PTRH1: variants seen among roughly 807,000 people sequenced by gnomAD.
PTRH1 encodes peptidyl-tRNA hydrolase 1 homolog.
Under a neutral mutation model 15.7 loss-of-function variants are expected in PTRH1, and 13 were observed. The ratio of observed to expected loss-of-function variants is 0.83; its 90% CI spans 0.54 to 1.31. PTRH1 has a LOEUF of 1.31. Among genes scored for constraint, PTRH1 ranks in the 40% most tolerant of loss-of-function variants. The probability of loss-of-function intolerance (pLI) is 0.00; values close to 1 mark genes in which losing one functional copy is unlikely to be tolerated. For synonymous variants in PTRH1, 139 were observed against 136.7 expected, an observed-to-expected ratio of 1.02 and a Z score of -0.12; for missense variants, 319 against 296.2, an observed-to-expected ratio of 1.08 and a Z score of -0.56.
intron 1 of PTRH1, among the ~76,000 whole-genome samples, chr9:127,704,834 G>A (rs1028928501): frequency 2.6e-5 from 4 of 152,022 alleles, no homozygotes; most frequent in African/African-American, 7.2e-5. Context: ...CTGCAGCCTC[G>A]AATTCCTGGG....
At chr9:127,711,117 A>C, downstream of PTRH1, 10 of 1,298,062 alleles carry the variant, frequency 7.7e-6, no homozygotes, top group Non-Finnish European at 1.1e-5. Context: ...TCCCAGGGAG[A>C]GAGCATGCTG....
Position 127,714,961 on chromosome 9 carries a change from C to T in PTRH1, c.316+14G>A, listed in dbSNP as rs1037937230. 10 of 1,310,800 alleles carry T rather than the reference C, an allele frequency of 7.6e-6. No homozygotes were observed. In the Admixed American group the frequency reaches 1.1e-4, roughly 15 times the overall value. 81.2% of individuals were successfully genotyped at this position (1,310,800 alleles called of 1,614,324 possible). ...CCTTGGCCCGCCCGCCCACCCCTGG[C>T]GCTCTCAACTCACCAGCCCGGGCCA... On this transcript the variant is annotated intron_variant, in intron 2 of 4. Coordinates refer to ENST00000543175, the MANE Select transcript of PTRH1 (RefSeq NM_001002913.3).
rs1842641948 is a variant in PTRH1, at chr9:127,705,853, A to G, written c.205+9582T>C. On this transcript the variant is annotated intron_variant, in intron 1 of 2. Transcript: ENST00000335223. The surrounding 1 kb of genome is among the most constrained non-coding windows in gnomAD (Gnocchi z 4.7). ...GCACTCAGGCTGAGGCCTGTGCAGA[A>G]GCATGGGGGTCTCTTCCCTCTGCCA... Among the ~76,000 whole-genome samples, 1 of 152,244 alleles carries G rather than the reference A, an allele frequency of 6.6e-6. No individual in the cohort carries two copies. The highest frequency in any genetic ancestry group is 1.5e-5 in the Non-Finnish European group (1 of 68,030).
At chr9:127,711,826 C>T, downstream of PTRH1, 1 of 1,565,732 alleles carries the variant, frequency 6.4e-7, no homozygotes, top group Non-Finnish European at 8.7e-7. Context: ...GCAGATCATC[C>T]TCATGCTGAC....
chr9:127,704,000 G>A (rs530087999), intron 1 of PTRH1, among the ~76,000 whole-genome samples: 1 of 152,132 alleles, frequency 6.6e-6, no homozygotes, highest in Non-Finnish European at 1.5e-5. Context: ...CCCCTCCCAG[G>A]GCGAAATGAA....
chr9:127,696,506 T>A (rs1842560982), intron 1 of PTRH1, among the ~76,000 whole-genome samples: 1 of 152,102 alleles, frequency 6.6e-6, no homozygotes, highest in Non-Finnish European at 1.5e-5. Context: ...CTCCAGTTAG[T>A]ACGTGGCAGA....
In PTRH1 at chr9:127,714,007, T is replaced by C; in HGVS notation, c.*93A>G. ...TGGAACAGTCTAGAGGAGATTTGTA[T>C]AAAAAGTAGATACCAAGGCTGGCGT... On this transcript the variant is annotated 3_prime_UTR_variant, in exon 5 of 5. Coordinates refer to ENST00000543175, the MANE Select transcript of PTRH1 (RefSeq NM_001002913.3). 1 of 1,582,108 alleles carries C rather than the reference T, an allele frequency of 6.3e-7. No individual in the cohort carries two copies. The highest frequency in any genetic ancestry group is 8.7e-7 in the Non-Finnish European group (1 of 1,152,794).
chr9:127,712,919 G>T (rs772785644), downstream of PTRH1: 1 of 1,592,394 alleles, frequency 6.3e-7, no homozygotes, highest in Admixed American at 1.8e-5. Flanking sequence ...GCCACAGAGA[G>T]CAGGGCAAAG....
chr9:127,710,759 G>A (rs1236393410), downstream of PTRH1: 16 of 1,560,188 alleles, frequency 1.0e-5, no homozygotes, highest in African/African-American at 1.4e-5. Flanking sequence ...GGACAGGTGG[G>A]CAAGCGGGGC....
rs1842838117 is a variant in PTRH1, at chr9:127,714,111, G to A, written c.634C>T (p.Leu212=). 2 of 1,613,018 alleles carry A rather than the reference G, an allele frequency of 1.2e-6. No homozygotes were observed. Among genetic ancestry groups the A allele is most frequent in the East Asian group, 4.5e-5 (2 of 44,866 alleles). ...HIRERSQGPS[L]GP ...CATGGCCACTAGTGTCACGGCCCCA[G>A]TGAGGGCCCCTGGCTTCGCTCACGG... Residue 212 remains leucine, a synonymous_variant, in exon 5 of 5, where the codon CTG becomes TTG. Coordinates refer to ENST00000543175, the MANE Select transcript of PTRH1 (RefSeq NM_001002913.3).
At chr9:127,701,429 G>GGAATGAATGAAT (rs34198029) in intron 1 of PTRH1, among the ~76,000 whole-genome samples, 1 of 151,956 alleles carries the variant, frequency 6.6e-6, no homozygotes, top group African/African-American at 2.4e-5. Context: ...ATAAAGAAAG[G>GGAATGAATGAAT]GAATGAATGA....
At chr9:127,704,383 G>A (rs940106339) in intron 1 of PTRH1, among the ~76,000 whole-genome samples, 13 of 151,672 alleles carry the variant, frequency 8.6e-5, no homozygotes, top group Non-Finnish European at 1.0e-4. Flanking sequence ...TGGTGCGTGC[G>A]TGTAGTCCCC....
At position 127,715,608 on chromosome 9, in the gene PTRH1, T is replaced by C. The variant is rs1167601376; in HGVS notation, c.32A>G (p.Gln11Arg). The change falls in exon 1 of 5, where the codon CAG (glutamine) becomes CGG (arginine). Residue 11 changes from glutamine to arginine, a missense_variant. Coordinates refer to ENST00000543175, the MANE Select transcript of PTRH1 (RefSeq NM_001002913.3). This position sits in a 1 kb window ranked among gnomAD's most constrained non-coding sequence, Gnocchi z 5.8. MRPGGFLGAG[Q>R]RLSRAMSRCV... The stretch of plus-strand genomic sequence containing the variant: ...TCGGCTCATGGCTCTACTCAGCCGC[T>C]GTCCGGCGCCCAAAAAGCCGCCCGG... 7 of 1,612,908 alleles carry C rather than the reference T, an allele frequency of 4.3e-6. No homozygotes were observed. The African/African-American group carries it at 8.0e-5, about 18-fold the overall frequency.
downstream of PTRH1, chr9:127,709,752 C>A (rs1047012595): frequency 6.5e-7 from 1 of 1,548,252 alleles, no homozygotes; most frequent in African/African-American, 1.4e-5. The surrounding 1 kb of genome is among the most constrained non-coding windows in gnomAD (Gnocchi z 4.7). Flanking sequence ...ATCACTGACC[C>A]TGTTTCTCAC....
At chr9:127,706,940 C>T in intron 1 of PTRH1, 3 of 1,481,422 alleles carry the variant, frequency 2.0e-6, no homozygotes, top group Non-Finnish European at 2.7e-6. Flanking sequence ...AGCCCAGCCT[C>T]ACTCCCTCGG....
At chr9:127,712,585 G>A, downstream of PTRH1, 1 of 1,572,610 alleles carries the variant, frequency 6.4e-7, no homozygotes, top group Non-Finnish European at 8.6e-7. Flanking sequence ...CCCGACTGAA[G>A]AATGGGTATC....
chr9:127,700,150 A>C (rs935953242), intron 1 of PTRH1, among the ~76,000 whole-genome samples: 2 of 152,210 alleles, frequency 1.3e-5, no homozygotes, highest in African/African-American at 4.8e-5. Context: ...CAAATACTGC[A>C]CTGCTCCTTC....
chr9:127,714,961 C>A lies in PTRH1; in HGVS notation c.316+14G>T. On this transcript the variant is annotated intron_variant, in intron 2 of 4. Coordinates refer to ENST00000543175, the MANE Select transcript of PTRH1 (RefSeq NM_001002913.3). ...CCTTGGCCCGCCCGCCCACCCCTGG[C>A]GCTCTCAACTCACCAGCCCGGGCCA... The A allele has an allele frequency of 5.3e-6, 7 of 1,310,814 alleles. No homozygotes were observed. The highest frequency in any genetic ancestry group is 1.5e-5 in the South Asian group (1 of 65,486). The allele number at this position is 1,310,814 out of a possible 1,614,324, so 81.2% of individuals were successfully genotyped here. A position where few individuals can be genotyped will look rare whatever the true frequency, so the allele number is the denominator to read the frequency against.
intron 4 of PTRH1, 32 bp downstream of exon 4, chr9:127,714,347 G>A (rs1206248678): frequency 8.7e-6 from 14 of 1,613,936 alleles, no homozygotes; most frequent in Admixed American, 5.0e-5. Context: ...TGGCCCACCC[G>A]ACCCAGTTGC....
Sources: allele counts gnomAD v4.1 joint callset (sites outside exome capture counted in the v4.1 genomes callset), GRCh38; gene constraint gnomAD v4.1.1; non-coding constraint Gnocchi (gnomAD v3.1); transcripts MANE v1.5; gene names NCBI Gene and HGNC (gene_info 2026-07-23, HGNC 2026-07-21).